MCF2: variants seen among roughly 807,000 people sequenced by gnomAD.
The protein encoded by MCF2 is MCF.2 cell line derived transforming sequence, also known as proto-oncogene DBL.
Under a neutral mutation model 82.5 loss-of-function variants are expected in MCF2, and 44 were observed. The observed-to-expected ratio is 0.53, with a 90% CI of 0.42 to 0.69. MCF2 has a LOEUF of 0.69. Ranked by LOEUF, MCF2 falls within the 30% of genes least tolerant of loss-of-function variation. The probability of loss-of-function intolerance (pLI) is 0.00; values close to 1 mark genes in which losing one functional copy is unlikely to be tolerated. For missense variants in MCF2, 623 were observed against 663.1 expected (o/e 0.94, Z 0.66); for synonymous variants, 217 against 224.9 (o/e 0.96, Z 0.32).
upstream of MCF2, among the ~76,000 whole-genome samples, chrX:139,644,493 T>C (rs1933728131): frequency 8.9e-6 from 1 of 112,514 alleles, no homozygotes; most frequent in Non-Finnish European, 1.9e-5. Context: ...ATATCTAATG[T>C]TAACTCTTCT....
intron 1 of MCF2, among the ~76,000 whole-genome samples, chrX:139,641,957 G>A (rs1266504498): frequency 9.0e-6 from 1 of 111,084 alleles, no homozygotes; most frequent in Non-Finnish European, 1.9e-5. Context: ...GTTTCAGTTT[G>A]GAGAAGAATT....
intron 19 of MCF2, among the ~76,000 whole-genome samples, chrX:139,595,870 GTAAGTA>G: frequency 9.0e-6 from 1 of 111,681 alleles, no homozygotes; most frequent in South Asian, 3.7e-4. Flanking sequence ...GAAACCAGCT[GTAAGTA>G]TCATTGGGTT....
chrX:139,675,929 G>A (rs1934851462), intron 1 of MCF2, among the ~76,000 whole-genome samples: 1 of 113,049 alleles, frequency 8.8e-6, no homozygotes, highest in African/African-American at 3.2e-5. Flanking sequence ...TGCCCCCAGA[G>A]GTGGAGACTA....
At chrX:139,687,813 G>T (rs1429567666) in intron 1 of MCF2, among the ~76,000 whole-genome samples, 2 of 111,725 alleles carry the variant, frequency 1.8e-5, no homozygotes, top group African/African-American at 6.5e-5. Flanking sequence ...ACACACAAAG[G>T]AACTAGAAAG....
chrX:139,591,660 T>C (rs1423213039), intron 19 of MCF2, among the ~76,000 whole-genome samples: 1 of 110,216 alleles, frequency 9.1e-6, no homozygotes, highest in Non-Finnish European at 1.9e-5. Flanking sequence ...CCCAGCTTTG[T>C]ATGGTGCAGT....
At chrX:139,610,256 A>C (rs1390157291) in intron 11 of MCF2, 45 bp downstream of exon 15, 2 of 880,015 alleles carry the variant, frequency 2.3e-6, no homozygotes, top group Non-Finnish European at 1.6e-6. Flanking sequence ...CCAACTCTGC[A>C]ACTAAAGCAA....
intron 1 of MCF2, among the ~76,000 whole-genome samples, chrX:139,677,430 T>A (rs1331764693): frequency 8.9e-6 from 1 of 112,302 alleles, no homozygotes; most frequent in African/African-American, 3.2e-5. Flanking sequence ...CTCTAAAACT[T>A]GCCTCGGTCT....
At chrX:139,600,989 T>A (rs1285969548) in intron 16 of MCF2, among the ~76,000 whole-genome samples, 1 of 111,455 alleles carries the variant, frequency 9.0e-6, no homozygotes, top group African/African-American at 3.3e-5. Flanking sequence ...AAAATGAAAA[T>A]AGAATTCTAT....
intron 6 of MCF2, among the ~76,000 whole-genome samples, chrX:139,623,623 T>G (rs1439671510): frequency 3.7e-5 from 4 of 108,235 alleles, no homozygotes; most frequent in Non-Finnish European, 7.7e-5. Context: ...CTATTGGATA[T>G]TATGCTCACT....
At chrX:139,582,672 G>A (rs1342083725) in intron 24 of MCF2, among the ~76,000 whole-genome samples, 169 bp from the exon 29 acceptor site, 1 of 111,438 alleles carries the variant, frequency 9.0e-6, no homozygotes, top group Non-Finnish European at 1.9e-5. Flanking sequence ...AGAATTATTG[G>A]ACAAAGAGAG....
At chrX:139,705,273 T>C (rs1397223079) in intron 1 of MCF2, among the ~76,000 whole-genome samples, 1 of 111,640 alleles carries the variant, frequency 9.0e-6, no homozygotes, top group Admixed American at 9.5e-5. Flanking sequence ...GATCACACCA[T>C]TGCACTCCAG....
chrX:139,615,622 G>A (rs1301211010), intron 9 of MCF2, among the ~76,000 whole-genome samples: 3 of 111,530 alleles, frequency 2.7e-5, no homozygotes, highest in African/African-American at 9.8e-5. Context: ...TGATTTCCTG[G>A]GGCATCCCCT....
At chrX:139,609,159 G>A (rs1931294610) in intron 11 of MCF2, among the ~76,000 whole-genome samples, 1 of 112,136 alleles carries the variant, frequency 8.9e-6, no homozygotes, top group African/African-American at 3.2e-5. Context: ...AAGCCAGGCA[G>A]CCTAGTTTTA....
intron 1 of MCF2, among the ~76,000 whole-genome samples, chrX:139,653,936 C>G (rs916826734): frequency 9.0e-6 from 1 of 110,631 alleles, no homozygotes; most frequent in Non-Finnish European, 1.9e-5. Flanking sequence ...AACATAATTG[C>G]CACCATTTCC....
intron 1 of MCF2, among the ~76,000 whole-genome samples, chrX:139,699,813 C>T (rs899615475): frequency 7.1e-5 from 8 of 111,914 alleles, no homozygotes; most frequent in Non-Finnish European, 1.5e-4. Flanking sequence ...AAAACTAACA[C>T]GATATTTTTT....
At chrX:139,635,053 G>A (rs762713100) in intron 1 of MCF2, among the ~76,000 whole-genome samples, 1 of 111,577 alleles carries the variant, frequency 9.0e-6, no homozygotes, top group Non-Finnish European at 1.9e-5. Context: ...CCATGATGGC[G>A]ACAGAGCGAG....
At chrX:139,585,044 A>G (rs774887554) in intron 24 of MCF2, 22 bp downstream of exon 28, 2 of 1,057,881 alleles carry the variant, frequency 1.9e-6, no homozygotes, top group Non-Finnish European at 2.6e-6. Flanking sequence ...CAATAATTTT[A>G]ATTTACTATA....
intron 1 of MCF2, among the ~76,000 whole-genome samples, chrX:139,660,043 C>T (rs1323318248): frequency 8.9e-6 from 1 of 111,797 alleles, no homozygotes; most frequent in Non-Finnish European, 1.9e-5. Flanking sequence ...ACCATTCATA[C>T]ATACCATTCA....
chrX:139,679,971 A>C (rs1234199961), intron 1 of MCF2, among the ~76,000 whole-genome samples: 1 of 111,582 alleles, frequency 9.0e-6, no homozygotes, highest in African/African-American at 3.3e-5. Flanking sequence ...ATGTGCTGCA[A>C]ATAAAGGGAA....
Sources: gnomAD v4.1 joint callset for allele counts (sites outside exome capture counted in the v4.1 genomes callset) on GRCh38, gnomAD v4.1.1 for gene constraint, MANE v1.5 for transcripts, NCBI Gene and HGNC (gene_info 2026-07-23, HGNC 2026-07-21) for gene names.